Variants in EFNA5 observed in about 807,000 individuals in gnomAD.
EFNA5 encodes ephrin A5, also known as ephrin-A5.
Under a neutral mutation model 22.9 loss-of-function variants are expected in EFNA5, and 5 were observed. The ratio of observed to expected loss-of-function variants is 0.22; its 90% CI spans 0.11 to 0.46. The LOEUF (loss-of-function observed/expected upper bound fraction) is 0.46, where lower values mean the gene tolerates loss of function less well. Among genes scored for constraint, EFNA5 ranks in the 20% least tolerant of loss-of-function variants. EFNA5 has a pLI of 0.99. For missense variants in EFNA5, 237 were observed against 293.3 expected (o/e 0.81, Z 1.40); for synonymous variants, 113 against 112.2 (o/e 1.01, Z -0.04).
intron 1 of EFNA5, among the ~76,000 whole-genome samples, chr5:107,667,214 T>C (rs1372932618): frequency 6.6e-6 from 1 of 152,092 alleles, no homozygotes; most frequent in Non-Finnish European, 1.5e-5. Context: ...TCTGAGTGGC[T>C]ATTTCACAAA....
At chr5:107,639,090 T>TA (rs1388129592) in intron 1 of EFNA5, among the ~76,000 whole-genome samples, 10 of 152,240 alleles carry the variant, frequency 6.6e-5, no homozygotes, top group Non-Finnish European at 1.3e-4. Flanking sequence ...GCGTTTCATT[T>TA]AAAACACAAC....
intron 2 of EFNA5, among the ~76,000 whole-genome samples, chr5:107,410,959 T>G (rs1180556643): frequency 6.6e-6 from 1 of 152,134 alleles, no homozygotes; most frequent in East Asian, 1.9e-4. Flanking sequence ...TGTCGTGGAG[T>G]CGTTGATTTT....
intron 1 of EFNA5, among the ~76,000 whole-genome samples, chr5:107,584,286 G>A (rs191287022): frequency 2.6e-5 from 4 of 152,210 alleles, no homozygotes; most frequent in Admixed American, 6.5e-5. Flanking sequence ...ATGGTGACTG[G>A]GATCCAGTAT....
intron 1 of EFNA5, among the ~76,000 whole-genome samples, chr5:107,501,612 A>G (rs1265645555): frequency 2.0e-5 from 3 of 152,228 alleles, no homozygotes; most frequent in Non-Finnish European, 2.9e-5. Context: ...TTGCACAACC[A>G]TTCACTATTT....
intron 1 of EFNA5, among the ~76,000 whole-genome samples, chr5:107,635,575 T>C (rs1336255765): frequency 6.6e-6 from 1 of 152,244 alleles, no homozygotes. Flanking sequence ...TTTCATTTTG[T>C]GCTGACACAT....
chr5:107,593,281 C>T (rs978115380), intron 1 of EFNA5, among the ~76,000 whole-genome samples: 7 of 152,200 alleles, frequency 4.6e-5, no homozygotes, highest in Non-Finnish European at 8.8e-5. Context: ...TTTCCAGGAG[C>T]AGCATCTGCC....
intron 1 of EFNA5, among the ~76,000 whole-genome samples, chr5:107,482,618 T>C (rs910944567): frequency 1.3e-5 from 2 of 152,094 alleles, no homozygotes; most frequent in African/African-American, 2.4e-5. Context: ...GGAATTCCTC[T>C]GGGCCTTGTC....
chr5:107,547,493 C>T (rs1748189555), intron 1 of EFNA5, among the ~76,000 whole-genome samples: 1 of 150,002 alleles, frequency 6.7e-6, no homozygotes, highest in African/African-American at 2.5e-5. Flanking sequence ...TTCTGGTTTA[C>T]AGTTTAAAAT....
At chr5:107,645,351 A>AT in intron 1 of EFNA5, among the ~76,000 whole-genome samples, 1 of 152,298 alleles carries the variant, frequency 6.6e-6, no homozygotes, top group Non-Finnish European at 1.5e-5. Context: ...TATCCAAAGT[A>AT]TTTTTCCCAA....
intron 1 of EFNA5, among the ~76,000 whole-genome samples, chr5:107,633,986 T>C (rs1750316607): frequency 6.6e-6 from 1 of 152,168 alleles, no homozygotes; most frequent in African/African-American, 2.4e-5. Context: ...TACAAAAAGA[T>C]TTTAAGAGAA....
At chr5:107,532,370 C>T (rs1274297937) in intron 1 of EFNA5, among the ~76,000 whole-genome samples, 1 of 152,186 alleles carries the variant, frequency 6.6e-6, no homozygotes, top group East Asian at 1.9e-4. Context: ...AAATTAATGA[C>T]CCACACCTGA....
intron 1 of EFNA5, among the ~76,000 whole-genome samples, chr5:107,587,339 A>C (rs895193084): frequency 6.6e-6 from 1 of 152,160 alleles, no homozygotes; most frequent in Non-Finnish European, 1.5e-5. Flanking sequence ...GGACTCTCAG[A>C]AGACTTCTTG....
chr5:107,661,957 C>G (rs1750972197), intron 1 of EFNA5, among the ~76,000 whole-genome samples: 1 of 151,950 alleles, frequency 6.6e-6, no homozygotes, highest in African/African-American at 2.4e-5. Flanking sequence ...TTATAATTTC[C>G]AGGGAAAGAG....
chr5:107,645,102 T>A (rs765320896), intron 1 of EFNA5, among the ~76,000 whole-genome samples: 1 of 152,230 alleles, frequency 6.6e-6, no homozygotes, highest in Non-Finnish European at 1.5e-5. Flanking sequence ...TATCAATCCA[T>A]CACCTAGGTA....
At chr5:107,460,426 C>G (rs1749806367) in intron 1 of EFNA5, among the ~76,000 whole-genome samples, 1 of 152,106 alleles carries the variant, frequency 6.6e-6, no homozygotes, top group Non-Finnish European at 1.5e-5. Flanking sequence ...GGATACAGCA[C>G]AAATTGATTC....
intron 1 of EFNA5, among the ~76,000 whole-genome samples, chr5:107,626,041 C>T (rs2112532445): frequency 6.6e-6 from 1 of 152,308 alleles, no homozygotes; most frequent in Admixed American, 6.5e-5. Flanking sequence ...TCAAGTCTGT[C>T]ATGACAGATG....
intron 1 of EFNA5, among the ~76,000 whole-genome samples, chr5:107,548,729 T>C (rs1443159285): frequency 2.6e-5 from 4 of 152,158 alleles, no homozygotes; most frequent in Admixed American, 6.6e-5. Flanking sequence ...ATGTGCAAAA[T>C]GTGAAACCAC....
At chr5:107,539,161 G>T (rs1747992703) in intron 1 of EFNA5, among the ~76,000 whole-genome samples, 1 of 152,218 alleles carries the variant, frequency 6.6e-6, no homozygotes. Context: ...CATTTTCTCA[G>T]AAAGATAATC....
intron 1 of EFNA5, among the ~76,000 whole-genome samples, chr5:107,556,790 A>AAATAAAAT (rs142616864): frequency 5.0e-5 from 7 of 140,548 alleles, no homozygotes; most frequent in African/African-American, 1.6e-4. Flanking sequence ...ATAAATAAAT[A>AAATAAAAT]AAATAAAATA....
Sources: gnomAD v4.1 joint callset for allele counts (sites outside exome capture counted in the v4.1 genomes callset) on GRCh38, gnomAD v4.1.1 for gene constraint, MANE v1.5 for transcripts, NCBI Gene and HGNC (gene_info 2026-07-23, HGNC 2026-07-21) for gene names.